The following PHLDB2 variants were observed in gnomAD, a reference collection of about 807,000 sequenced individuals.
PHLDB2 encodes the protein pleckstrin homology like domain family B member 2.
PHLDB2 carries 71 observed loss-of-function variants against 123.6 expected under a neutral mutation model. The observed-to-expected ratio is 0.57, with a 90% CI of 0.47 to 0.70. The LOEUF is 0.70. PHLDB2 is among the 30% of genes least tolerant of loss of function. The pLI, the probability that PHLDB2 is intolerant of heterozygous loss-of-function variation, is 0.00. For synonymous variants in PHLDB2, 547 were observed against 541.6 expected, an observed-to-expected ratio of 1.01 and a Z score of -0.14; for missense variants, 1,446 against 1,519.5, an observed-to-expected ratio of 0.95 and a Z score of 0.80.
chr3:111,856,373 A>T (rs781455648), upstream of PHLDB2, among the ~76,000 whole-genome samples: 10 of 152,212 alleles, frequency 6.6e-5, no homozygotes, highest in Non-Finnish European at 1.3e-4. Flanking sequence ...TGCCTCTACC[A>T]ACTTATTACC....
chr3:111,870,376 G>A (rs1576949241), intron 1 of PHLDB2, among the ~76,000 whole-genome samples: 1 of 152,266 alleles, frequency 6.6e-6, no homozygotes, highest in East Asian at 1.9e-4. Context: ...GAAGTAGCTA[G>A]GTCTATTTGC....
chr3:111,835,072 A>C (rs1341559515), intron 1 of PHLDB2, among the ~76,000 whole-genome samples: 1 of 152,112 alleles, frequency 6.6e-6, no homozygotes, highest in Non-Finnish European at 1.5e-5. Flanking sequence ...TTTTGTCCCA[A>C]AATTTAAGAG....
At position 111,768,964 on chromosome 3, in the gene PHLDB2, C is replaced by T. The variant is rs866716945; in HGVS notation, c.-49+36261C>T. ...CACTGGTTGCCAATGAGCAATTTCT[C>T]GAGCCTTTAATTATGGGCCAATGAA... On this transcript the variant is annotated intron_variant, in intron 1 of 17. Transcript: ENST00000393923. 2.0e-5 allele frequency among the ~76,000 whole-genome samples: 3 copies of T among 152,150 alleles called. No individual in the cohort carries two copies. In the South Asian group the frequency reaches 6.2e-4, roughly 31 times the overall value.
At chr3:111,882,815 G>T (rs564900632) in intron 1 of PHLDB2, among the ~76,000 whole-genome samples, 1 of 152,296 alleles carries the variant, frequency 6.6e-6, no homozygotes, top group Admixed American at 6.5e-5. Context: ...GGCTGAGAGG[G>T]AGTGAGGAAG....
chr3:111,894,026 C>T (rs1204865930), intron 2 of PHLDB2, among the ~76,000 whole-genome samples: 1 of 146,056 alleles, frequency 6.8e-6, no homozygotes, highest in Admixed American at 6.8e-5. Flanking sequence ...CGTCATCTAG[C>T]ATTAGGTATA....
upstream of PHLDB2, chr3:111,859,247 C>T (rs1252516936): frequency 3.0e-6 from 3 of 983,850 alleles, no homozygotes; most frequent in Non-Finnish European, 3.6e-6. Flanking sequence ...TTAAAAAAAG[C>T]CTGCCACGAA....
intron 1 of PHLDB2, among the ~76,000 whole-genome samples, chr3:111,831,827 T>C (rs547905422): frequency 9.2e-5 from 14 of 152,314 alleles, no homozygotes; most frequent in Non-Finnish European, 1.5e-4. Flanking sequence ...TAATAAAGAT[T>C]AGTTTCACAA....
At chr3:111,807,607 T>C (rs1419223514) in intron 1 of PHLDB2, among the ~76,000 whole-genome samples, 2 of 152,068 alleles carry the variant, frequency 1.3e-5, no homozygotes, top group Non-Finnish European at 2.9e-5. Context: ...TTTTTTAATT[T>C]ACACGCCTGT....
intron 2 of PHLDB2, among the ~76,000 whole-genome samples, chr3:111,892,001 C>T (rs1370258366): frequency 6.6e-6 from 1 of 152,178 alleles, no homozygotes; most frequent in Non-Finnish European, 1.5e-5. Context: ...CCAATATTTT[C>T]TTTCTGACTG....
At chr3:111,922,121 T>C (rs531113735) in intron 5 of PHLDB2, among the ~76,000 whole-genome samples, 1 of 152,348 alleles carries the variant, frequency 6.6e-6, no homozygotes, top group African/African-American at 2.4e-5. Flanking sequence ...AGTAGAGTAG[T>C]TTTATTGCTA....
At chr3:111,749,476 C>T (rs1185362132) in intron 1 of PHLDB2, among the ~76,000 whole-genome samples, 1 of 152,190 alleles carries the variant, frequency 6.6e-6, no homozygotes, top group Admixed American at 6.5e-5. Context: ...TCTGACTTTT[C>T]ACTACCCTGT....
At chr3:111,844,445 A>T (rs748530594) in intron 1 of PHLDB2, among the ~76,000 whole-genome samples, 7 of 152,120 alleles carry the variant, frequency 4.6e-5, no homozygotes, top group Non-Finnish European at 8.8e-5. Flanking sequence ...ACTTACCCAA[A>T]TCAAACTCTC....
At chr3:111,856,003 A>G (rs1053790350), upstream of PHLDB2, among the ~76,000 whole-genome samples, 10 of 152,098 alleles carry the variant, frequency 6.6e-5, no homozygotes, top group Non-Finnish European at 1.5e-4. Flanking sequence ...GGCCTTATGA[A>G]AGCTATTGAA....
Position 111,920,505 on chromosome 3 carries a change from G to T in PHLDB2, c.2001+86G>T, listed in dbSNP as rs2068434033. ...GAATTTAAATGTTGAATGCATTACTGGGGTTTTGGATTTGTGTGTCATGTT... is the reference window on the plus strand; with the variant it reads ...GAATTTAAATGTTGAATGCATTACTTGGGTTTTGGATTTGTGTGTCATGTT... On this transcript the variant is annotated intron_variant, in intron 5 of 17. Transcript: ENST00000431670. The T allele has an allele frequency of 3.3e-6, 5 of 1,499,128 alleles. No homozygotes were observed. The Admixed American group carries it at 9.8e-5, about 29-fold the overall frequency. 92.9% of individuals were successfully genotyped at this position (1,499,128 alleles called of 1,614,324 possible). A position where few individuals can be genotyped will look rare whatever the true frequency, so the allele number is the denominator to read the frequency against.
chr3:111,872,414 C>T (rs1184148573), intron 1 of PHLDB2, among the ~76,000 whole-genome samples: 3 of 152,146 alleles, frequency 2.0e-5, no homozygotes, highest in Non-Finnish European at 4.4e-5. Context: ...CTCCCTTCCC[C>T]ACTTCCCTCC....
chr3:111,867,753 G>A (rs1397134606), intron 1 of PHLDB2, among the ~76,000 whole-genome samples: 3 of 152,092 alleles, frequency 2.0e-5, no homozygotes, highest in African/African-American at 7.3e-5. Context: ...CCAGGCTGGA[G>A]TACAGTGGCA....
chr3:111,778,555 G>T (rs1011092164), intron 1 of PHLDB2: 1 of 139,832 alleles, frequency 7.2e-6, no homozygotes, highest in African/African-American at 3.0e-5. Flanking sequence ...GCAAAAATAT[G>T]TAAAATGTTC....
In PHLDB2 at chr3:111,974,398, T is replaced by G. The variant is rs754607171; in HGVS notation, c.3622-25T>G. On this transcript the variant is annotated intron_variant, in intron 17 of 17. Coordinates refer to ENST00000431670, the MANE Select transcript of PHLDB2 (RefSeq NM_001134438.2). ...TGTATTTTAAGATGTTTATTTTACA[T>G]TCTTTTTCCTTTTTTGAATTTTAGA... 9 of 1,562,412 alleles carry G rather than the reference T, an allele frequency of 5.8e-6. No homozygotes were observed. The East Asian group carries it at 2.1e-4, about 36-fold the overall frequency.
intron 2 of PHLDB2, among the ~76,000 whole-genome samples, chr3:111,893,414 A>C (rs2066619230): frequency 6.6e-6 from 1 of 152,180 alleles, no homozygotes; most frequent in Non-Finnish European, 1.5e-5. Flanking sequence ...AAGCCAGCTA[A>C]ATTGCAGATG....
Sources: allele counts gnomAD v4.1 joint callset (sites outside exome capture counted in the v4.1 genomes callset), GRCh38; gene constraint gnomAD v4.1.1; transcripts MANE v1.5; gene names NCBI Gene and HGNC (gene_info 2026-07-23, HGNC 2026-07-21).